The following SNTG2 variants were observed in gnomAD, a reference collection of about 807,000 sequenced individuals.
The protein encoded by SNTG2 is gamma-2-syntrophin.
In SNTG2, 74 loss-of-function variants were observed where a neutral mutation model predicts 70.9. The ratio of observed to expected loss-of-function variants is 1.04; its 90% confidence interval spans 0.86 to 1.27. The LOEUF is 1.27. Among genes scored for constraint, SNTG2 ranks in the 50% most tolerant of loss-of-function variants. The pLI is 0.00. For synonymous variants in SNTG2, 278 were observed against 273.8 expected (o/e 1.02, Z -0.15); for missense variants, 717 against 690.7 (o/e 1.04, Z -0.43).
chr2:1,152,969 C>A (rs1182466243), intron 6 of SNTG2, among the ~76,000 whole-genome samples: 1 of 152,074 alleles, frequency 6.6e-6, no homozygotes, highest in Non-Finnish European at 1.5e-5. Flanking sequence ...AGTAAAAATA[C>A]AAAAATTAGC....
intron 8 of SNTG2, among the ~76,000 whole-genome samples, chr2:1,191,265 C>T (rs28366408): frequency 6.6e-6 from 1 of 151,950 alleles, no homozygotes; most frequent in Non-Finnish European, 1.5e-5. Flanking sequence ...GCTGGGTAGA[C>T]GAAGTTTTAC....
rs11691156 is a variant in SNTG2, at chr2:966,002, C to T, written c.72+14934C>T. ...TGCTCCCACTCAGTCCCTGCTTCTTCGGTCCTGTGTGTCGGACCCATCCCT... is the reference window on the plus strand; with the variant it reads ...TGCTCCCACTCAGTCCCTGCTTCTTTGGTCCTGTGTGTCGGACCCATCCCT... On this transcript the variant is annotated intron_variant, in intron 1 of 16. Coordinates refer to ENST00000308624, the MANE Select transcript of SNTG2 (RefSeq NM_018968.4). Among the ~76,000 whole-genome samples, 21 of 152,294 alleles carry T rather than the reference C, an allele frequency of 1.4e-4. No homozygotes were observed. The East Asian group carries it at 3.9e-3, about 28-fold the overall frequency.
intron 13 of SNTG2, 113 bp from the exon 14 acceptor site, chr2:1,267,252 C>G (rs1678789025): frequency 5.1e-6 from 5 of 989,626 alleles, no homozygotes; most frequent in Non-Finnish European, 7.6e-6. Context: ...TGTCTGCACC[C>G]AGGAGACCGT....
intron 1 of SNTG2, among the ~76,000 whole-genome samples, chr2:1,053,494 G>A (rs1166948809): frequency 2.1e-5 from 1 of 48,040 alleles, no homozygotes; most frequent in Non-Finnish European, 3.9e-5. Context: ...CCAGCCCTTT[G>A]CAGCTAAGTT....
intron 6 of SNTG2, among the ~76,000 whole-genome samples, chr2:1,159,097 T>C (rs1167500565): frequency 5.2e-5 from 3 of 57,390 alleles, no homozygotes; most frequent in Non-Finnish European, 1.7e-4. Flanking sequence ...TGTATGTGCA[T>C]GCGTGTACCT....
At chr2:1,255,980 A>T (rs897862752) in intron 12 of SNTG2, among the ~76,000 whole-genome samples, 1 of 146,578 alleles carries the variant, frequency 6.8e-6, no homozygotes, top group Non-Finnish European at 1.5e-5. Flanking sequence ...ATACGTATGT[A>T]TAGCCACGCA....
At chr2:1,318,511 C>T (rs1388033370) in intron 16 of SNTG2, among the ~76,000 whole-genome samples, 3 of 152,234 alleles carry the variant, frequency 2.0e-5, no homozygotes, top group African/African-American at 2.4e-5. Context: ...CACTGTGGCT[C>T]CTGGGCTGGG....
intron 6 of SNTG2, among the ~76,000 whole-genome samples, chr2:1,152,678 C>T (rs1271598836): frequency 6.6e-6 from 1 of 152,178 alleles, no homozygotes; most frequent in Non-Finnish European, 1.5e-5. Context: ...TCTGCAAACT[C>T]CTGAGAGGAT....
At chr2:1,093,289 C>A (rs546918661) in intron 2 of SNTG2, among the ~76,000 whole-genome samples, 1 of 152,208 alleles carries the variant, frequency 6.6e-6, no homozygotes, top group South Asian at 2.1e-4. Flanking sequence ...CTTTTGATGA[C>A]ATTAGTTTGT....
chr2:1,278,675 C>T (rs1406511517), intron 14 of SNTG2, among the ~76,000 whole-genome samples: 2 of 152,180 alleles, frequency 1.3e-5, no homozygotes, highest in Non-Finnish European at 2.9e-5. Flanking sequence ...GCTTCTTTCT[C>T]TTTTGTCAGA....
intron 16 of SNTG2, among the ~76,000 whole-genome samples, chr2:1,364,841 C>T (rs975511184): frequency 2.0e-5 from 3 of 151,754 alleles, no homozygotes; most frequent in African/African-American, 4.8e-5. Context: ...ACCCAGGAGG[C>T]GGAGCTTGCA....
intron 1 of SNTG2, among the ~76,000 whole-genome samples, chr2:1,063,577 C>T (rs924035706): frequency 6.6e-6 from 1 of 152,176 alleles, no homozygotes. Context: ...TGGAAAATAA[C>T]TATGACCCAC....
In SNTG2 at chr2:998,310, A is replaced by G. The variant is rs1003652856; in HGVS notation, c.72+47242A>G. Among the ~76,000 whole-genome samples the G allele has an allele frequency of 2.0e-5, 3 of 152,314 alleles. 1 individual carries two copies. The highest frequency in any genetic ancestry group is 2.0e-4 in the Admixed American group (3 of 15,288). On this transcript the variant is annotated intron_variant, in intron 1 of 16. Coordinates refer to ENST00000308624, the MANE Select transcript of SNTG2 (RefSeq NM_018968.4). ...AGTATATCCTAACCAAAATGAAAAC[A>G]TGGAAATACAGATAGAGAATACAAA...
intron 7 of SNTG2, among the ~76,000 whole-genome samples, chr2:1,167,737 C>T (rs35916452): frequency 0.05 from 4,222 of 84,316 alleles, 39 homozygotes; most frequent in Non-Finnish European, 0.067. Flanking sequence ...CGCCCACAGA[C>T]GGCAGAACTG....
intron 7 of SNTG2, among the ~76,000 whole-genome samples, chr2:1,171,865 G>A (rs143018605): frequency 2.0e-4 from 30 of 152,274 alleles, no homozygotes; most frequent in African/African-American, 7.0e-4. Context: ...CATTTGCAGA[G>A]GCAGATTGGA....
intron 4 of SNTG2, among the ~76,000 whole-genome samples, chr2:1,136,290 A>C (rs533280368): frequency 1.5e-4 from 23 of 151,896 alleles, no homozygotes; most frequent in Admixed American, 3.3e-4. Context: ...ACAGCATGCG[A>C]AGAACTGAGA....
intron 9 of SNTG2, among the ~76,000 whole-genome samples, chr2:1,224,430 G>A (rs1558560376): frequency 6.6e-6 from 1 of 152,224 alleles, no homozygotes; most frequent in African/African-American, 2.4e-5. Context: ...CCTTTGACCT[G>A]GCTTCCCAGC....
intron 6 of SNTG2, among the ~76,000 whole-genome samples, chr2:1,154,808 C>T (rs1348985386): frequency 1.3e-5 from 2 of 151,958 alleles, no homozygotes; most frequent in Non-Finnish European, 2.9e-5. Context: ...ACATACATCC[C>T]ACACATATCA....
intron 1 of SNTG2, among the ~76,000 whole-genome samples, chr2:1,002,023 C>T (rs1659411086): frequency 1.3e-5 from 2 of 152,036 alleles, no homozygotes; most frequent in Admixed American, 1.3e-4. Context: ...TAAGGATACC[C>T]TATCCAAAAA....
Sources: allele counts gnomAD v4.1 joint callset (sites outside exome capture counted in the v4.1 genomes callset), GRCh38; gene constraint gnomAD v4.1.1; transcripts MANE v1.5; gene names NCBI Gene and HGNC (gene_info 2026-07-23, HGNC 2026-07-21).